SLC28A3: variants seen among roughly 807,000 people sequenced by gnomAD.
SLC28A3 encodes solute carrier family 28 member 3, also known as concentrative Na(+)-nucleoside cotransporter 3.
A neutral mutation model predicts 84.2 loss-of-function variants in SLC28A3; 68 were observed. The observed-to-expected ratio is 0.81, with a 90% CI of 0.66 to 0.99. The LOEUF is 0.99. SLC28A3 is among the 50% of genes least tolerant of loss of function. The pLI is 0.00. For synonymous variants in SLC28A3, 267 were observed against 303.6 expected, an observed-to-expected ratio of 0.88 and a Z score of 1.25; for missense variants, 712 against 841.5, an observed-to-expected ratio of 0.85 and a Z score of 1.90.
At chr9:84,278,388 C>T in intron 17 of SLC28A3, 44 bp from the exon 18 acceptor site, 1 of 1,610,166 alleles carries the variant, frequency 6.2e-7, no homozygotes, top group Non-Finnish European at 8.5e-7. Flanking sequence ...CCATAGATGG[C>T]AGAAACAGTA....
chr9:84,352,528 A>G, the SLC28A3 span, among the ~76,000 whole-genome samples: 112 of 152,214 alleles, frequency 7.4e-4, 1 homozygote, highest in African/African-American at 2.7e-3. Context: ...TTTATATAAC[A>G]CACACACATA....
chr9:84,302,681 A>G (rs1825676059), intron 4 of SLC28A3, among the ~76,000 whole-genome samples: 1 of 152,178 alleles, frequency 6.6e-6, no homozygotes, highest in Admixed American at 6.5e-5. Context: ...TTGGGCCTCT[A>G]AGTACTGGCC....
chr9:84,298,206 G>A (rs1447630084), intron 6 of SLC28A3, among the ~76,000 whole-genome samples, 187 bp from the exon 7 acceptor site: 1 of 152,160 alleles, frequency 6.6e-6, no homozygotes, highest in Non-Finnish European at 1.5e-5. Context: ...AAAAACTCAG[G>A]CCAGGCGCAG....
At chr9:84,338,554 T>C (rs1372153548) in intron 1 of SLC28A3, among the ~76,000 whole-genome samples, 1 of 152,170 alleles carries the variant, frequency 6.6e-6, no homozygotes, top group African/African-American at 2.4e-5. Context: ...CTTCTTTTTA[T>C]TGGGGCAGGT....
chr9:84,299,506 A>G, intron 6 of SLC28A3, 75 bp downstream of exon 6: 1 of 1,569,264 alleles, frequency 6.4e-7, no homozygotes, highest in Non-Finnish European at 8.7e-7. Context: ...AAATTCTCTC[A>G]CAATCAGTAT....
chr9:84,302,431 C>T, intron 4 of SLC28A3, 42 bp from the exon 5 acceptor site: 2 of 1,588,060 alleles, frequency 1.3e-6, no homozygotes, highest in African/African-American at 1.3e-5. Flanking sequence ...TCACTAACCA[C>T]TGGGACACGC....
intron 12 of SLC28A3, 24 bp downstream of exon 12, chr9:84,288,024 A>T (rs1825066908): frequency 6.2e-7 from 1 of 1,613,446 alleles, no homozygotes; most frequent in East Asian, 2.2e-5. Flanking sequence ...GTAGTCATTA[A>T]TTAGGTGAAT....
chr9:84,292,763 G>A lies in SLC28A3; in HGVS notation c.943-15C>T. The A allele has an allele frequency of 1.3e-6, 2 of 1,533,190 alleles. No homozygotes were observed. The highest frequency in any genetic ancestry group is 2.4e-5 in the East Asian group (1 of 41,446). 95.0% of individuals were successfully genotyped at this position (1,533,190 alleles called of 1,614,324 possible). The stretch of plus-strand genomic sequence containing the variant: ...ATCCATCCAACCTAAAAGGAAGAAA[G>A]GGACAAAGTCAGCAAAGAACTTTTT... On this transcript the variant is annotated splice_polypyrimidine_tract_variant and intron_variant, in intron 9 of 17. Coordinates refer to ENST00000376238, the MANE Select transcript of SLC28A3 (RefSeq NM_001199633.2).
In SLC28A3 at chr9:84,313,459, G is replaced by A. The variant is rs768215778; in HGVS notation, c.61-5C>T. On this transcript the variant is annotated splice_polypyrimidine_tract_variant and splice_region_variant and intron_variant, in intron 1 of 17. Coordinates refer to ENST00000376238, the MANE Select transcript of SLC28A3 (RefSeq NM_001199633.2). ...CTCAAGAAAGTTTTCTTCATTCTAAGAAAAAAGTGCAGATTGAAAAAATAA... is the reference window on the plus strand; with the variant it reads ...CTCAAGAAAGTTTTCTTCATTCTAAAAAAAAAGTGCAGATTGAAAAAATAA... 6.2e-7 allele frequency: 1 copy of A among 1,610,002 alleles called. No individual in the cohort carries two copies. The highest frequency in any genetic ancestry group is 1.3e-5 in the African/African-American group (1 of 74,706).
At chr9:84,350,807 G>A in the SLC28A3 span, among the ~76,000 whole-genome samples, 2 of 152,112 alleles carry the variant, frequency 1.3e-5, no homozygotes, top group South Asian at 2.1e-4. Flanking sequence ...CACCTCCCTG[G>A]GTTCAAGCAA....
chr9:84,307,483 A>G (rs1825843242), intron 3 of SLC28A3, among the ~76,000 whole-genome samples: 1 of 152,008 alleles, frequency 6.6e-6, no homozygotes, highest in Non-Finnish European at 1.5e-5. Context: ...AAAATATCAA[A>G]AGTATCATAG....
chr9:84,300,431 G>A (rs1006974824), intron 5 of SLC28A3, among the ~76,000 whole-genome samples: 1 of 152,160 alleles, frequency 6.6e-6, no homozygotes, highest in Non-Finnish European at 1.5e-5. Context: ...TCTGCCCTTG[G>A]GGGACCTCAC....
rs1588550931 is a variant in SLC28A3 at position 84,278,174 on chromosome 9, T to C, written c.*44A>G. The stretch of plus-strand genomic sequence containing the variant: ...TTTTTTTTCTTTCCAAAGCAGAAAA[T>C]TCAGCATCTGTACTTCAGAGTTCCA... On this transcript the variant is annotated 3_prime_UTR_variant, in exon 18 of 18. Coordinates refer to ENST00000376238, the MANE Select transcript of SLC28A3 (RefSeq NM_001199633.2). 1 of 1,569,650 alleles carries C rather than the reference T, an allele frequency of 6.4e-7. No individual in the cohort carries two copies. Among genetic ancestry groups the C allele is most frequent in the South Asian group, 1.2e-5 (1 of 84,000 alleles).
At chr9:84,314,912 A>C (rs1180574058) in intron 1 of SLC28A3, among the ~76,000 whole-genome samples, 2 of 152,138 alleles carry the variant, frequency 1.3e-5, no homozygotes, top group Admixed American at 1.3e-4. Flanking sequence ...CCCCGTCTCT[A>C]CTAAAAATAC....
intron 6 of SLC28A3, 49 bp downstream of exon 6, chr9:84,299,532 C>G (rs767012350): frequency 2.5e-6 from 4 of 1,606,646 alleles, no homozygotes; most frequent in African/African-American, 2.7e-5. Flanking sequence ...GCAATTTACA[C>G]ATGGGGAGAA....
rs551313592 is a variant in SLC28A3, at chr9:84,275,634, A to G, written c.*2584T>C. 6.6e-6 allele frequency: 1 copy of G among 152,314 alleles called. No individual in the cohort carries two copies. The highest frequency in any genetic ancestry group is 1.5e-5 in the Non-Finnish European group (1 of 68,044). The allele number at this position is 152,314 out of a possible 1,614,324, so 9.4% of individuals were successfully genotyped here. A position where few individuals can be genotyped will look rare whatever the true frequency, so the allele number is the denominator to read the frequency against. On this transcript the variant is annotated 3_prime_UTR_variant, in exon 18 of 18. Coordinates refer to ENST00000376238, the MANE Select transcript of SLC28A3 (RefSeq NM_001199633.2). ...AAGAGGAATAAAAACATCACCATGC[A>G]CCAAAAACCTCCATTAGGTTGTTTC...
chr9:84,357,497 C>A, the SLC28A3 span, among the ~76,000 whole-genome samples: 4 of 151,888 alleles, frequency 2.6e-5, no homozygotes, highest in Admixed American at 6.6e-5. Context: ...GATTCCCTGG[C>A]CTGCCGCTCC....
At chr9:84,362,503 A>T in the SLC28A3 span, among the ~76,000 whole-genome samples, 1 of 152,094 alleles carries the variant, frequency 6.6e-6, no homozygotes, top group South Asian at 2.1e-4. Context: ...GTGGTGGTGC[A>T]TGCCTGTAGT....
At chr9:84,288,003 C>T (rs1825065363) in intron 12 of SLC28A3, 45 bp downstream of exon 12, 1 of 1,611,444 alleles carries the variant, frequency 6.2e-7, no homozygotes, top group South Asian at 1.1e-5. Flanking sequence ...GAGTCCCCCG[C>T]CCCGGCTTGG....
Sources: gnomAD v4.1 joint callset for allele counts (sites outside exome capture counted in the v4.1 genomes callset) on GRCh38, gnomAD v4.1.1 for gene constraint, MANE v1.5 for transcripts, NCBI Gene and HGNC (gene_info 2026-07-23, HGNC 2026-07-21) for gene names.